Variants in MAP4K3 observed in about 807,000 individuals in gnomAD.
MAP4K3 encodes the protein MAPK/ERK kinase kinase kinase 3.
A neutral mutation model predicts 143.5 loss-of-function variants in MAP4K3; 94 were observed. That is an observed-to-expected ratio of 0.65 (90% CI 0.55 to 0.78). The LOEUF (loss-of-function observed/expected upper bound fraction) is 0.78. MAP4K3 is among the 30% of genes least tolerant of loss of function. MAP4K3 has a pLI of 0.00. For synonymous variants in MAP4K3, 416 were observed against 347.2 expected, an observed-to-expected ratio of 1.20 and a Z score of -2.20; for missense variants, 1,077 against 1,068.1, an observed-to-expected ratio of 1.01 and a Z score of -0.12.
chr2:39,423,104 G>T (rs1252119856), intron 1 of MAP4K3, among the ~76,000 whole-genome samples: 2 of 151,948 alleles, frequency 1.3e-5, no homozygotes, highest in African/African-American at 4.8e-5. Context: ...ATTTTAAAAA[G>T]GGAAAAAATC....
chr2:39,281,470 A>T (rs2148466249), intron 22 of MAP4K3, among the ~76,000 whole-genome samples: 1 of 152,334 alleles, frequency 6.6e-6, no homozygotes, highest in Admixed American at 6.5e-5. Context: ...GGCAGAAACT[A>T]TCATTTAACT....
At chr2:39,331,372 AACAG>A (rs1683676337) in intron 8 of MAP4K3, among the ~76,000 whole-genome samples, 3 of 152,158 alleles carry the variant, frequency 2.0e-5, no homozygotes, top group African/African-American at 7.2e-5. Flanking sequence ...ATCAGTATCT[AACAG>A]ACAAACATGG....
intron 24 of MAP4K3, among the ~76,000 whole-genome samples, chr2:39,273,359 T>A (rs1681114878): frequency 6.6e-6 from 1 of 152,158 alleles, no homozygotes; most frequent in Non-Finnish European, 1.5e-5. Flanking sequence ...GACCCAGGAA[T>A]CTATGGTTTA....
chr2:39,421,796 T>C (rs1667555830), intron 1 of MAP4K3, among the ~76,000 whole-genome samples: 1 of 152,048 alleles, frequency 6.6e-6, no homozygotes, highest in South Asian at 2.1e-4. Context: ...TTCCTCCCCC[T>C]ACCAGGACTT....
intron 15 of MAP4K3, among the ~76,000 whole-genome samples, chr2:39,305,821 G>C (rs1183542807): frequency 1.3e-5 from 2 of 151,438 alleles, no homozygotes; most frequent in African/African-American, 4.9e-5. Context: ...ACAGAAAAGA[G>C]TATTTGTAAT....
rs573095816 is a variant in MAP4K3, at chr2:39,359,799, C to A, written c.155-3460G>T. Among the ~76,000 whole-genome samples, 81 of 152,356 alleles carry A rather than the reference C, an allele frequency of 5.3e-4. 1 individual carries two copies. The highest frequency in any genetic ancestry group is 4.8e-3 in the Admixed American group (73 of 15,308). On this transcript the variant is annotated intron_variant, in intron 2 of 33. Transcript: ENST00000263881. The stretch of plus-strand genomic sequence containing the variant: ...GGCAATGGCCTGAGCTATACGTTGG[C>A]CCCTTTTAGCCACGGCTGGAGCGGC...
chr2:39,325,492 T>C (rs753543783), intron 12 of MAP4K3, 26 bp downstream of exon 12: 11 of 1,501,864 alleles, frequency 7.3e-6, no homozygotes, highest in African/African-American at 2.8e-5. Context: ...ATGTTATATA[T>C]GCCCGCTGGT....
intron 13 of MAP4K3, among the ~76,000 whole-genome samples, chr2:39,311,459 C>A (rs1336593933): frequency 6.6e-6 from 1 of 152,170 alleles, no homozygotes; most frequent in Non-Finnish European, 1.5e-5. Context: ...GTAAGATGGC[C>A]CCCAGTGACT....
At chr2:39,411,630 T>G (rs1271837324) in intron 1 of MAP4K3, among the ~76,000 whole-genome samples, 2 of 152,240 alleles carry the variant, frequency 1.3e-5, no homozygotes, top group African/African-American at 4.8e-5. Flanking sequence ...ACCAGTAAGC[T>G]TTTATCTGGC....
intron 12 of MAP4K3, among the ~76,000 whole-genome samples, chr2:39,320,899 G>A (rs1683279904): frequency 6.6e-6 from 1 of 152,044 alleles, no homozygotes; most frequent in Non-Finnish European, 1.5e-5. Context: ...TATGCTCTAA[G>A]TCTTAGATTC....
chr2:39,268,632 C>CTCTTTTTT (rs1389888924), intron 26 of MAP4K3, among the ~76,000 whole-genome samples: 1 of 45,736 alleles, frequency 2.2e-5, no homozygotes, highest in Non-Finnish European at 5.7e-5. Flanking sequence ...AAGATTTTTT[C>CTCTTTTTT]TATTTTTTTT....
At chr2:39,333,695 G>A (rs896502990) in intron 6 of MAP4K3, 121 bp from the exon 7 acceptor site, 1 of 519,194 alleles carries the variant, frequency 1.9e-6, no homozygotes. Flanking sequence ...CTTAAAGTGT[G>A]CTTAATTAAA....
chr2:39,383,331 G>T (rs1666401138), intron 1 of MAP4K3, among the ~76,000 whole-genome samples: 1 of 152,132 alleles, frequency 6.6e-6, no homozygotes, highest in Non-Finnish European at 1.5e-5. Flanking sequence ...AAGCAAAAGA[G>T]GGGAAGCCCC....
intron 12 of MAP4K3, 147 bp downstream of exon 12, chr2:39,325,370 AC>A (rs1683452040): frequency 2.0e-6 from 1 of 488,314 alleles, no homozygotes; most frequent in Non-Finnish European, 3.6e-6. Context: ...AAAGGCAAAG[AC>A]AAAGAATTAA....
At chr2:39,288,990 T>G (rs1245862594) in intron 19 of MAP4K3, among the ~76,000 whole-genome samples, 1 of 152,178 alleles carries the variant, frequency 6.6e-6, no homozygotes, top group East Asian at 1.9e-4. Context: ...AGGCGTAGCT[T>G]GCAGTGAGCC....
chr2:39,254,234 T>C (rs1339852240), intron 32 of MAP4K3, among the ~76,000 whole-genome samples: 1 of 152,210 alleles, frequency 6.6e-6, no homozygotes, highest in Non-Finnish European at 1.5e-5. Context: ...ACTGATTATC[T>C]GGAAGCACAT....
At chr2:39,312,814 A>G (rs1440225381) in intron 13 of MAP4K3, among the ~76,000 whole-genome samples, 1 of 152,234 alleles carries the variant, frequency 6.6e-6, no homozygotes, top group Non-Finnish European at 1.5e-5. Flanking sequence ...GCTTTCACCT[A>G]TACTTGTCTT....
intron 1 of MAP4K3, among the ~76,000 whole-genome samples, chr2:39,404,588 G>A (rs1667040507): frequency 6.7e-6 from 1 of 149,030 alleles, no homozygotes; most frequent in Non-Finnish European, 1.5e-5. Flanking sequence ...GAAGATTTCT[G>A]AGGTTTCTTT....
At chr2:39,298,022 A>G (rs1056921826) in intron 16 of MAP4K3, among the ~76,000 whole-genome samples, 4 of 152,124 alleles carry the variant, frequency 2.6e-5, no homozygotes, top group Non-Finnish European at 4.4e-5. Flanking sequence ...TGTACTTTGC[A>G]TGTACAGATT....
Sources: gnomAD v4.1 joint callset for allele counts (sites outside exome capture counted in the v4.1 genomes callset) on GRCh38, gnomAD v4.1.1 for gene constraint, MANE v1.5 for transcripts, NCBI Gene and HGNC (gene_info 2026-07-23, HGNC 2026-07-21) for gene names.